Variants in MAGEC3 observed in about 807,000 individuals in gnomAD.
The protein encoded by MAGEC3 is MAGE family member C3.
MAGEC3 carries 34 observed loss-of-function variants against 35.3 expected under a neutral mutation model. The observed-to-expected ratio is 0.96, with a 90% CI of 0.73 to 1.28. The LOEUF (loss-of-function observed/expected upper bound fraction) is 1.28, where lower values mean the gene tolerates loss of function less well. MAGEC3 is among the 50% of genes most tolerant of loss of function. The probability of loss-of-function intolerance (pLI) is 0.00; values close to 1 mark genes in which losing one functional copy is unlikely to be tolerated. For missense variants in MAGEC3, 561 were observed against 483.6 expected (o/e 1.16, Z -1.50); for synonymous variants, 202 against 185.6 (o/e 1.09, Z -0.72).
chrX:141,839,193 C>G (rs986608805), intron 1 of MAGEC3: 2 of 138,725 alleles, frequency 1.4e-5, no homozygotes, highest in Non-Finnish European at 2.6e-5. Flanking sequence ...CCTTGATTCC[C>G]TCTCCATCTC....
Position 141,895,146 on chromosome X carries a change from T to C in MAGEC3, c.910-123T>C, listed in dbSNP as rs1322031424. On this transcript the variant is annotated intron_variant, in intron 4 of 7. Transcript: ENST00000298296. ...TGGGCACAAAGGGGTCGGGGGGCGCTGAGGAGGGCAGGAAGAAGTGGAGTG... is the reference window on the plus strand; with the variant it reads ...TGGGCACAAAGGGGTCGGGGGGCGCCGAGGAGGGCAGGAAGAAGTGGAGTG... 9 of 777,224 alleles carry C rather than the reference T, an allele frequency of 1.2e-5. No homozygotes were observed. In the East Asian group the frequency reaches 3.0e-4, roughly 26 times the overall value. 64.1% of individuals were successfully genotyped at this position (777,224 alleles called of 1,213,427 possible). A position where few individuals can be genotyped will look rare whatever the true frequency, so the allele number is the denominator to read the frequency against.
At position 141,865,487 on chromosome X, in the gene MAGEC3, C is replaced by T; in HGVS notation, c.140C>T (p.Thr47Ile). ...PPQPQPRKKA[T>I]DKDYSAFHLG... is the part of the protein sequence containing the mutation. ...CCTGAGTAGCCCCGGAAAAAGGCCACAGATAAGGACTATTCTGCCTTTCAT... is the reference window on the plus strand; with the variant it reads ...CCTGAGTAGCCCCGGAAAAAGGCCATAGATAAGGACTATTCTGCCTTTCAT... The change falls in exon 2 of 8, where the codon ACA (threonine) becomes ATA (isoleucine). Residue 47 changes from threonine (T) to isoleucine (I), a missense_variant. Transcript: ENST00000298296. 1 of 1,208,549 alleles carries T rather than the reference C, an allele frequency of 8.3e-7. No homozygotes were observed.
At position 141,897,800 on chromosome X, in the gene MAGEC3, A is replaced by T. The variant is rs749667759; in HGVS notation, c.1900A>T (p.Ser634Cys). 6 of 1,200,031 alleles carry T rather than the reference A, an allele frequency of 5.0e-6. No individual in the cohort carries two copies. In the Admixed American group the frequency reaches 1.3e-4, roughly 27 times the overall value. ...DATAMASASP[S>C]VMSTNFCPE ...TACTGCCATGGCCAGTGCAAGCCCCAGTGTCATGTCCACCAACTTCTGTCC... is the reference window on the plus strand; with the variant it reads ...TACTGCCATGGCCAGTGCAAGCCCCTGTGTCATGTCCACCAACTTCTGTCC... Residue 634 changes from serine to cysteine, a missense_variant, in exon 8 of 8, where the codon AGT (serine) becomes TGT (cysteine). By Grantham distance (112) the Ser-to-Cys change is moderately radical. Transcript: ENST00000298296.
At chrX:141,867,601 A>C (rs751935112) in intron 2 of MAGEC3, among the ~76,000 whole-genome samples, 2 of 112,269 alleles carry the variant, frequency 1.8e-5, no homozygotes, top group African/African-American at 6.5e-5. Flanking sequence ...TTTCTAAAAT[A>C]AAACTGGAAA....
At chrX:141,852,236 T>G (rs1027825843) in intron 1 of MAGEC3, among the ~76,000 whole-genome samples, 2 of 110,563 alleles carry the variant, frequency 1.8e-5, no homozygotes, top group Non-Finnish European at 3.8e-5. Context: ...TTTCAAGTTT[T>G]TTACTAGTTC....
chrX:141,896,797 T>C, intron 6 of MAGEC3, 85 bp from the exon 7 acceptor site: 1 of 1,207,106 alleles, frequency 8.3e-7, no homozygotes, highest in Non-Finnish European at 1.1e-6. Context: ...CTCTTTCCAC[T>C]TTTTATTCCC....
intron 4 of MAGEC3, among the ~76,000 whole-genome samples, chrX:141,889,544 C>T (rs1350685982): frequency 8.9e-6 from 1 of 112,161 alleles, no homozygotes; most frequent in African/African-American, 3.2e-5. Flanking sequence ...AAAGGAGTTA[C>T]AGTGTTTGCT....
intron 1 of MAGEC3, among the ~76,000 whole-genome samples, chrX:141,843,588 C>T (rs902507800): frequency 2.7e-4 from 30 of 110,738 alleles, no homozygotes. Context: ...ACAGAATGCT[C>T]CTCAAGCAGG....
chrX:141,865,572 G>A lies in MAGEC3; in HGVS notation c.225G>A (p.Met75Ile). Residue 75 changes from methionine to isoleucine, a missense_variant, in exon 2 of 8, where the codon ATG (methionine) becomes ATA (isoleucine). Coordinates refer to ENST00000298296, the MANE Select transcript of MAGEC3 (RefSeq NM_138702.1). ...GGGGTGGAACTTCAGATCAGCGAATGGATAGTCTTGTCCTCTGCCCCACAT... is the reference window on the plus strand; with the variant it reads ...GGGGTGGAACTTCAGATCAGCGAATAGATAGTCTTGTCCTCTGCCCCACAT... ...FLRGGTSDQR[M>I]DSLVLCPTYF... 8.3e-7 allele frequency: 1 copy of A among 1,208,982 alleles called. No individual in the cohort carries two copies.
At chrX:141,856,250 A>G (rs1430161118) in intron 1 of MAGEC3, among the ~76,000 whole-genome samples, 1 of 111,543 alleles carries the variant, frequency 9.0e-6, no homozygotes, top group Admixed American at 9.5e-5. Context: ...CATTGCCTGA[A>G]GTAAGGTGGC....
At chrX:141,880,968 G>A in intron 3 of MAGEC3, 1 of 580,197 alleles carries the variant, frequency 1.7e-6, no homozygotes, top group Admixed American at 2.5e-5. Flanking sequence ...CTGCTCCTAA[G>A]GAAGACGTTA....
In MAGEC3 at chrX:141,881,383, G is replaced by A; in HGVS notation, c.516-20G>A. Reference sequence around the variant, plus strand: ...AGAGCCTAGCAGCCAATAAGATGAAGATACAAGTACCTGGCACAGCTTGCC... The same window carrying A: ...AGAGCCTAGCAGCCAATAAGATGAAAATACAAGTACCTGGCACAGCTTGCC... On this transcript the variant is annotated intron_variant, in intron 3 of 7. Coordinates refer to ENST00000298296, the MANE Select transcript of MAGEC3 (RefSeq NM_138702.1). 1 of 1,176,579 alleles carries A rather than the reference G, an allele frequency of 8.5e-7. No individual in the cohort carries two copies. The highest frequency in any genetic ancestry group is 1.1e-6 in the Non-Finnish European group (1 of 880,420).
At chrX:141,883,936 C>A (rs927137894) in intron 4 of MAGEC3, among the ~76,000 whole-genome samples, 8 of 113,346 alleles carry the variant, frequency 7.1e-5, no homozygotes, top group Admixed American at 6.5e-4. Flanking sequence ...ACAGGAAAAT[C>A]TTGGTTTGCA....
At chrX:141,844,069 A>G (rs1011201093) in intron 1 of MAGEC3, among the ~76,000 whole-genome samples, 1 of 110,827 alleles carries the variant, frequency 9.0e-6, no homozygotes, top group African/African-American at 3.3e-5. Context: ...CATACTGTGT[A>G]AGTTATTCTG....
intron 3 of MAGEC3, 148 bp downstream of exon 3, chrX:141,879,579 GA>G: frequency 1.4e-6 from 1 of 700,575 alleles, no homozygotes; most frequent in African/African-American, 2.2e-5. Flanking sequence ...AAGGGGTGGA[GA>G]AGGGCCGGGA....
chrX:141,857,392 T>C (rs1368363759), intron 1 of MAGEC3, among the ~76,000 whole-genome samples: 1 of 110,983 alleles, frequency 9.0e-6, no homozygotes, highest in Admixed American at 9.6e-5. Context: ...TCCCTTCAGT[T>C]CTCCACAAAC....
chrX:141,851,259 A>G, intron 1 of MAGEC3, among the ~76,000 whole-genome samples: 1 of 110,408 alleles, frequency 9.1e-6, no homozygotes, highest in Non-Finnish European at 1.9e-5. Flanking sequence ...CTTTGTCAAC[A>G]TGGTAGGTAA....
chrX:141,854,197 G>A (rs761841065), intron 1 of MAGEC3, among the ~76,000 whole-genome samples: 1 of 111,269 alleles, frequency 9.0e-6, no homozygotes, highest in East Asian at 2.9e-4. Flanking sequence ...ATATACGATA[G>A]ATATTTAGTG....
At chrX:141,868,854 T>TTTTATTTATTTA (rs199761435) in intron 2 of MAGEC3, among the ~76,000 whole-genome samples, 3 of 106,399 alleles carry the variant, frequency 2.8e-5, no homozygotes, top group African/African-American at 3.5e-5. Context: ...AAAATTTTTA[T>TTTTATTTATTTA]TTTATTTATT....
Sources: allele counts gnomAD v4.1 joint callset (sites outside exome capture counted in the v4.1 genomes callset), GRCh38; gene constraint gnomAD v4.1.1; transcripts MANE v1.5; gene names NCBI Gene and HGNC (gene_info 2026-07-23, HGNC 2026-07-21).